The following TRERF1 variants were observed in gnomAD, a reference collection of about 807,000 sequenced individuals.
The protein encoded by TRERF1 is transcriptional regulating factor 1.
TRERF1 carries 27 observed loss-of-function variants against 122.9 expected under a neutral mutation model. The observed-to-expected ratio is 0.22, with a 90% CI of 0.16 to 0.30. The LOEUF is 0.30. Among genes scored for constraint, TRERF1 ranks in the 10% least tolerant of loss-of-function variants. TRERF1 has a pLI of 1.00. For synonymous variants in TRERF1, 636 were observed against 641.7 expected, an observed-to-expected ratio of 0.99 and a Z score of 0.13; for missense variants, 1,248 against 1,560.3, an observed-to-expected ratio of 0.80 and a Z score of 3.37.
intron 13 of TRERF1, among the ~76,000 whole-genome samples, chr6:42,252,724 G>A (rs930890616): frequency 6.6e-6 from 1 of 152,184 alleles, no homozygotes; most frequent in Non-Finnish European, 1.5e-5. Flanking sequence ...AGATTCTGCT[G>A]CCTCCCCTGC....
intron 4 of TRERF1, among the ~76,000 whole-genome samples, chr6:42,272,396 A>T (rs1453651672): frequency 6.6e-6 from 1 of 152,138 alleles, no homozygotes; most frequent in African/African-American, 2.4e-5. Flanking sequence ...CAGCAGTGAA[A>T]GGATGCTGGG....
intron 3 of TRERF1, among the ~76,000 whole-genome samples, chr6:42,313,778 A>G (rs1162677984): frequency 6.6e-6 from 1 of 152,092 alleles, no homozygotes; most frequent in East Asian, 1.9e-4. Context: ...TTGGATTTCA[A>G]CATGTTAGGA....
At chr6:42,291,836 C>T (rs1435011589) in intron 4 of TRERF1, among the ~76,000 whole-genome samples, 1 of 152,030 alleles carries the variant, frequency 6.6e-6, no homozygotes, top group Non-Finnish European at 1.5e-5. Flanking sequence ...TAAGACACTG[C>T]GCCCGGCCCT....
chr6:42,243,366 C>G lies in TRERF1; in HGVS notation c.2746-5G>C. 6.2e-7 allele frequency: 1 copy of G among 1,608,470 alleles called. No homozygotes were observed. Among genetic ancestry groups the G allele is most frequent in the East Asian group, 2.2e-5 (1 of 44,812 alleles). Reference sequence around the variant, plus strand: ...AGCCACCGTCTTGGACTTCACCTGCCGGGAAAGCGAACTCAAGGTTAGCTC... The same window carrying G: ...AGCCACCGTCTTGGACTTCACCTGCGGGGAAAGCGAACTCAAGGTTAGCTC... On this transcript the variant is annotated splice_region_variant and splice_polypyrimidine_tract_variant and intron_variant, in intron 14 of 17. Coordinates refer to ENST00000372922, the Ensembl canonical transcript of TRERF1.
intron 1 of TRERF1, among the ~76,000 whole-genome samples, chr6:42,451,796 C>T (rs1375008459): frequency 6.6e-6 from 1 of 152,114 alleles, no homozygotes; most frequent in Non-Finnish European, 1.5e-5. Flanking sequence ...TCCAAACTCT[C>T]CGCATCCAGC....
intron 2 of TRERF1, among the ~76,000 whole-genome samples, chr6:42,414,900 T>C (rs1781614749): frequency 6.6e-6 from 1 of 152,242 alleles, no homozygotes; most frequent in Non-Finnish European, 1.5e-5. Flanking sequence ...ATGTGAGTGT[T>C]TCTCTAGGAC....
rs115160899 is a variant in TRERF1, at chr6:42,406,557, C to T, written c.-453-43478G>A. Among the ~76,000 whole-genome samples the T allele has an allele frequency of 2.9e-3, 437 of 152,318 alleles. 1 individual carries two copies. The highest frequency in any genetic ancestry group is 9.9e-3 in the South Asian group (48 of 4,828). On this transcript the variant is annotated intron_variant, in intron 2 of 17. Transcript: ENST00000372922. Reference sequence around the variant, plus strand: ...ATCGGGCTCCAATGAGTTAACAGACCTGGGTATGTCCAGTATATCCTAGAC... The same window carrying T: ...ATCGGGCTCCAATGAGTTAACAGACTTGGGTATGTCCAGTATATCCTAGAC...
chr6:42,333,689 C>CA (rs1765627606), intron 3 of TRERF1, among the ~76,000 whole-genome samples: 1 of 152,170 alleles, frequency 6.6e-6, no homozygotes, highest in Non-Finnish European at 1.5e-5. Context: ...CTGTAAGATC[C>CA]AAAAGGGGCC....
At chr6:42,450,566 G>A (rs1214811762) in intron 2 of TRERF1, among the ~76,000 whole-genome samples, 1 of 152,228 alleles carries the variant, frequency 6.6e-6, no homozygotes, top group Non-Finnish European at 1.5e-5. Context: ...GATGGCAGGC[G>A]CACATGCTCC....
intron 2 of TRERF1, among the ~76,000 whole-genome samples, chr6:42,443,266 T>G (rs1786859105): frequency 6.6e-6 from 1 of 152,250 alleles, no homozygotes; most frequent in Non-Finnish European, 1.5e-5. Flanking sequence ...TATACTAGCC[T>G]CTCTGCTTTT....
At chr6:42,287,595 T>C (rs1396211739) in intron 4 of TRERF1, among the ~76,000 whole-genome samples, 2 of 152,116 alleles carry the variant, frequency 1.3e-5, no homozygotes, top group Non-Finnish European at 2.9e-5. Context: ...CCCCCTGCCC[T>C]AACTCCTTTC....
exon 18 of TRERF1, chr6:42,226,232 A>G (rs1769488207): frequency 6.6e-6 from 1 of 152,224 alleles, no homozygotes; most frequent in African/African-American, 2.4e-5. Context: ...TTTATTTTTT[A>G]ATGTTTAAAA....
intron 3 of TRERF1, among the ~76,000 whole-genome samples, chr6:42,358,646 T>C (rs2150918762): frequency 6.6e-6 from 1 of 152,338 alleles, no homozygotes. Flanking sequence ...TGTTTTGTTC[T>C]TATATTATCT....
chr6:42,310,738 A>G (rs1315026389), intron 3 of TRERF1, among the ~76,000 whole-genome samples: 3 of 152,160 alleles, frequency 2.0e-5, no homozygotes, highest in Non-Finnish European at 4.4e-5. Context: ...GCCAAAGAGT[A>G]CCCACCCCCA....
chr6:42,242,689 T>C (rs1283413790), intron 15 of TRERF1, among the ~76,000 whole-genome samples: 1 of 152,212 alleles, frequency 6.6e-6, no homozygotes, highest in Non-Finnish European at 1.5e-5. Flanking sequence ...TGTCTGCTAA[T>C]GAAGGAAATC....
At chr6:42,236,520 G>GTGTTCCTTT in intron 15 of TRERF1, 109 bp from the exon 16 acceptor site, 1 of 1,438,362 alleles carries the variant, frequency 7.0e-7, no homozygotes. Context: ...TGCTGGCGCT[G>GTGTTCCTTT]TGTTCCTTTC....
At position 42,268,746 on chromosome 6, in the gene TRERF1, C is replaced by CGCTGTTGCCCGGCTTGCT; in HGVS notation, c.827_844dup (p.Gln276_Gln281dup). 6.2e-7 allele frequency: 1 copy of CGCTGTTGCCCGGCTTGCT among 1,614,122 alleles called. No individual in the cohort carries two copies. The highest frequency in any genetic ancestry group is 8.5e-7 in the Non-Finnish European group (1 of 1,180,030). On this transcript the variant is annotated inframe_insertion, in exon 5 of 18. Coordinates refer to ENST00000372922, the Ensembl canonical transcript of TRERF1. The surrounding 1 kb of genome is among the most constrained non-coding windows in gnomAD (Gnocchi z 4.4). ...CGTCTGTATTTCTTGCATGGAGATA[C>CGCTGTTGCCCGGCTTGCT]GCTGTTGCCCGGCTTGCTGCTGTTG...
chr6:42,439,851 A>G (rs1282549110), intron 2 of TRERF1, among the ~76,000 whole-genome samples: 1 of 152,248 alleles, frequency 6.6e-6, no homozygotes, highest in Non-Finnish European at 1.5e-5. Flanking sequence ...TGCTCCAGAC[A>G]GTATGTCCTG....
At chr6:42,289,345 A>AC (rs1783880709) in intron 4 of TRERF1, among the ~76,000 whole-genome samples, 2 of 142,186 alleles carry the variant, frequency 1.4e-5, no homozygotes, top group African/African-American at 5.1e-5. Flanking sequence ...AAAACAAACA[A>AC]ACAAAAAAAA....
Sources: gnomAD v4.1 joint callset for allele counts (sites outside exome capture counted in the v4.1 genomes callset) on GRCh38, gnomAD v4.1.1 for gene constraint, Gnocchi (gnomAD v3.1) non-coding constraint, MANE v1.5 for transcripts, NCBI Gene and HGNC (gene_info 2026-07-23, HGNC 2026-07-21) for gene names.